The following IMMP2L variants were observed in gnomAD, a reference collection of about 807,000 sequenced individuals.
IMMP2L encodes inner mitochondrial membrane peptidase subunit 2.
A neutral mutation model predicts 19.3 loss-of-function variants in IMMP2L; 18 were observed. The ratio of observed to expected loss-of-function variants is 0.93; its 90% confidence interval spans 0.64 to 1.38. IMMP2L has a LOEUF of 1.38. Among genes scored for constraint, IMMP2L ranks in the 40% most tolerant of loss-of-function variants. The probability of loss-of-function intolerance (pLI) is 0.00; values close to 1 mark genes in which losing one functional copy is unlikely to be tolerated. For missense variants in IMMP2L, 233 were observed against 218.2 expected, an observed-to-expected ratio of 1.07 and a Z score of -0.43; for synonymous variants, 76 against 73.0, an observed-to-expected ratio of 1.04 and a Z score of -0.21.
intron 5 of IMMP2L, among the ~76,000 whole-genome samples, chr7:110,838,038 TG>T (rs1434628003): frequency 6.6e-6 from 1 of 152,156 alleles, no homozygotes; most frequent in African/African-American, 2.4e-5. Context: ...ATCTCACTGT[TG>T]TTCCAGCAAA....
intron 4 of IMMP2L, among the ~76,000 whole-genome samples, chr7:110,894,173 C>A (rs1374602466): frequency 1.3e-5 from 2 of 152,188 alleles, no homozygotes; most frequent in Non-Finnish European, 2.9e-5. Context: ...AAAGCCCCTG[C>A]CTTCTTGTCC....
At chr7:111,505,775 A>G (rs563864805) in intron 2 of IMMP2L, among the ~76,000 whole-genome samples, 13 of 151,930 alleles carry the variant, frequency 8.6e-5, no homozygotes, top group Non-Finnish European at 1.6e-4. Context: ...AACAATGAGA[A>G]CACATGGACA....
intron 3 of IMMP2L, among the ~76,000 whole-genome samples, chr7:111,125,817 C>CTTTTTTTTT (rs1217257175): frequency 4.0e-5 from 4 of 100,138 alleles, no homozygotes; most frequent in African/African-American, 7.9e-5. Flanking sequence ...AGGCCGCTTG[C>CTTTTTTTTT]TTTTTTTTTT....
intron 3 of IMMP2L, among the ~76,000 whole-genome samples, chr7:111,335,269 A>C (rs1826283212): frequency 1.3e-5 from 2 of 152,152 alleles, no homozygotes; most frequent in African/African-American, 4.8e-5. Flanking sequence ...GCATCCCTTT[A>C]AATAGTAACA....
intron 1 of IMMP2L, among the ~76,000 whole-genome samples, chr7:111,533,850 A>AT (rs1172408071): frequency 1.3e-5 from 2 of 152,068 alleles, no homozygotes; most frequent in African/African-American, 4.8e-5. Context: ...ATACTGATAG[A>AT]TTTCACTACA....
At chr7:110,829,215 A>C (rs965061839) in intron 5 of IMMP2L, among the ~76,000 whole-genome samples, 9 of 152,164 alleles carry the variant, frequency 5.9e-5, no homozygotes, top group African/African-American at 1.9e-4. Context: ...TGCTAAAGCT[A>C]AACTCCCCAA....
intron 4 of IMMP2L, among the ~76,000 whole-genome samples, chr7:110,888,201 C>G (rs549625161): frequency 6.6e-6 from 1 of 152,102 alleles, no homozygotes; most frequent in South Asian, 2.1e-4. Flanking sequence ...AAGTGAAAAA[C>G]AAGTTGAACA....
chr7:111,424,012 C>T (rs567692130), intron 3 of IMMP2L, among the ~76,000 whole-genome samples: 7 of 151,888 alleles, frequency 4.6e-5, no homozygotes, highest in Admixed American at 2.6e-4. Context: ...GTAGAGATAA[C>T]GTAATTAAAT....
At chr7:111,553,464 T>C (rs557785222) in intron 1 of IMMP2L, among the ~76,000 whole-genome samples, 2 of 152,322 alleles carry the variant, frequency 1.3e-5, no homozygotes, top group South Asian at 4.2e-4. Context: ...TGGTGCTCCA[T>C]TGTGCTCTGT....
chr7:111,007,189 C>T (rs1008903050), intron 3 of IMMP2L, among the ~76,000 whole-genome samples: 1 of 152,112 alleles, frequency 6.6e-6, no homozygotes, highest in African/African-American at 2.4e-5. Context: ...GAAGGAGAAA[C>T]TTCCAAACAC....
chr7:111,261,571 A>C (rs1478206594), intron 3 of IMMP2L, among the ~76,000 whole-genome samples: 2 of 152,072 alleles, frequency 1.3e-5, no homozygotes, highest in East Asian at 3.8e-4. Flanking sequence ...CTAGTGAATA[A>C]GACATATACT....
At chr7:111,171,175 GA>G (rs67340018) in intron 3 of IMMP2L, among the ~76,000 whole-genome samples, 122,566 of 151,468 alleles carry the variant, frequency 0.81, 51,011 homozygotes, top group East Asian at 0.91. Context: ...TTTTCTAAAA[GA>G]AAAAGTATGC....
At chr7:110,742,673 C>A (rs1310410783) in intron 5 of IMMP2L, among the ~76,000 whole-genome samples, 2 of 149,832 alleles carry the variant, frequency 1.3e-5, no homozygotes, top group Admixed American at 6.8e-5. Flanking sequence ...GAGGCTGAGG[C>A]AGAGGAATCA....
intron 5 of IMMP2L, among the ~76,000 whole-genome samples, chr7:110,771,698 C>G (rs970799510): frequency 6.6e-6 from 1 of 152,106 alleles, no homozygotes; most frequent in East Asian, 1.9e-4. Flanking sequence ...AAGGACTTAT[C>G]GAAAAACATC....
At chr7:110,844,427 T>G (rs1488576018) in intron 5 of IMMP2L, among the ~76,000 whole-genome samples, 3 of 150,972 alleles carry the variant, frequency 2.0e-5, no homozygotes, top group Admixed American at 6.6e-5. Context: ...AATAATGGAG[T>G]CATAGAAGAG....
intron 3 of IMMP2L, among the ~76,000 whole-genome samples, chr7:111,066,516 G>A (rs1234824845): frequency 2.0e-5 from 3 of 152,170 alleles, no homozygotes; most frequent in Non-Finnish European, 2.9e-5. Flanking sequence ...GTTTAAAATA[G>A]ACGGGAACTG....
chr7:111,400,775 C>T (rs1275298606), intron 3 of IMMP2L, among the ~76,000 whole-genome samples: 3 of 152,102 alleles, frequency 2.0e-5, no homozygotes, highest in African/African-American at 4.8e-5. Flanking sequence ...TTTGGAAATG[C>T]GTATGACATT....
chr7:110,856,192 A>C (rs1049639651), intron 5 of IMMP2L, among the ~76,000 whole-genome samples: 1 of 151,996 alleles, frequency 6.6e-6, no homozygotes, highest in African/African-American at 2.4e-5. Context: ...TACTAAAGAC[A>C]CTCATCGTCA....
At chr7:110,806,016 C>A (rs1389069426) in intron 5 of IMMP2L, among the ~76,000 whole-genome samples, 1 of 152,012 alleles carries the variant, frequency 6.6e-6, no homozygotes, top group Admixed American at 6.6e-5. Flanking sequence ...GCCATTCATT[C>A]AATAAATCAA....
Sources: allele counts gnomAD v4.1 joint callset (sites outside exome capture counted in the v4.1 genomes callset), GRCh38; gene constraint gnomAD v4.1.1; transcripts MANE v1.5; gene names NCBI Gene and HGNC (gene_info 2026-07-23, HGNC 2026-07-21).